SNX29: variants seen among roughly 807,000 people sequenced by gnomAD.
The protein encoded by SNX29 is sorting nexin 29.
A neutral mutation model predicts 102.1 loss-of-function variants in SNX29; 78 were observed. That is an observed-to-expected ratio of 0.76 (90% CI 0.64 to 0.92). The LOEUF is 0.92. Among genes scored for constraint, SNX29 ranks in the 40% least tolerant of loss-of-function variants. The pLI is 0.00. For synonymous variants in SNX29, 580 were observed against 414.5 expected, an observed-to-expected ratio of 1.40 and a Z score of -4.85; for missense variants, 1,280 against 1,061.7, an observed-to-expected ratio of 1.21 and a Z score of -2.86.
chr16:12,351,570 G>T (rs1321299106), intron 15 of SNX29, among the ~76,000 whole-genome samples: 1 of 152,180 alleles, frequency 6.6e-6, no homozygotes, highest in African/African-American at 2.4e-5. Flanking sequence ...GAAAGGAAAT[G>T]CCAGAGGCGT....
chr16:12,058,691 A>G (rs553905742), intron 8 of SNX29, among the ~76,000 whole-genome samples: 1 of 149,642 alleles, frequency 6.7e-6, no homozygotes, highest in Non-Finnish European at 1.5e-5. Flanking sequence ...ACGGGGTTTC[A>G]CCATGTTGGC....
chr16:12,554,866 G>C (rs1014646549), intron 20 of SNX29, among the ~76,000 whole-genome samples: 2 of 152,174 alleles, frequency 1.3e-5, no homozygotes, highest in Non-Finnish European at 2.9e-5. Flanking sequence ...CAGGAAAGAG[G>C]ACAAAGATAT....
At chr16:12,481,915 C>G (rs2087954417) in intron 19 of SNX29, among the ~76,000 whole-genome samples, 1 of 152,178 alleles carries the variant, frequency 6.6e-6, no homozygotes, top group Non-Finnish European at 1.5e-5. Flanking sequence ...TCCCTGAAAT[C>G]CACCTTGGCT....
intron 20 of SNX29, among the ~76,000 whole-genome samples, chr16:12,566,279 AGGACT>A (rs1286497377): frequency 2.0e-5 from 3 of 152,192 alleles, no homozygotes; most frequent in African/African-American, 7.2e-5. Context: ...TGCCCACAGC[AGGACT>A]GGACAGAGAC....
In SNX29 at chr16:12,532,564, A is replaced by G. The variant is rs538656810; in HGVS notation, c.2318+7723A>G. 2.6e-5 allele frequency among the ~76,000 whole-genome samples: 4 copies of G among 152,364 alleles called. No individual in the cohort carries two copies. The South Asian group carries it at 8.3e-4, about 32-fold the overall frequency. On this transcript the variant is annotated intron_variant, in intron 20 of 20. Transcript: ENST00000566228. ...TGGAGAATTCCTAAGAACTTGCAGG[A>G]ATTCTGACTTCACCATCTGAAATCC... is the stretch of plus-strand genomic sequence containing the variant.
At chr16:12,182,116 A>G (rs919410375) in intron 13 of SNX29, among the ~76,000 whole-genome samples, 1 of 148,008 alleles carries the variant, frequency 6.8e-6, no homozygotes, top group East Asian at 2.0e-4. Context: ...TGAACTCCTG[A>G]CCTCAGGTGA....
At chr16:12,544,025 C>G (rs1482126568) in intron 20 of SNX29, among the ~76,000 whole-genome samples, 2 of 152,204 alleles carry the variant, frequency 1.3e-5, no homozygotes, top group Non-Finnish European at 2.9e-5. Context: ...ACTCTAGACC[C>G]CGTTGACTCA....
rs1486304740 is a variant in SNX29, at chr16:12,572,966, T to C, written c.*4337T>C. On this transcript the variant is annotated 3_prime_UTR_variant, in exon 21 of 21. Coordinates refer to ENST00000566228, the MANE Select transcript of SNX29 (RefSeq NM_032167.5). ...CTGCTTATGAGCAAGGTCAAAGATTTTTCAAAATATTGTGCATTAATTCAT... is the reference window on the plus strand; with the variant it reads ...CTGCTTATGAGCAAGGTCAAAGATTCTTCAAAATATTGTGCATTAATTCAT... 1.1e-5 allele frequency: 6 copies of C among 565,318 alleles called. No homozygotes were observed. The highest frequency in any genetic ancestry group is 1.4e-5 in the Non-Finnish European group (6 of 422,970). The allele number at this position is 565,318 out of a possible 1,614,324, so 35.0% of individuals were successfully genotyped here. A position where few individuals can be genotyped will look rare whatever the true frequency, so the allele number is the denominator to read the frequency against.
At chr16:12,443,984 G>C (rs189878209) in intron 18 of SNX29, among the ~76,000 whole-genome samples, 9 of 152,300 alleles carry the variant, frequency 5.9e-5, no homozygotes, top group Non-Finnish European at 1.3e-4. Context: ...ATAGCACCTA[G>C]CATGTAGTAA....
intron 17 of SNX29, among the ~76,000 whole-genome samples, chr16:12,400,909 G>A (rs747122043): frequency 4.6e-5 from 7 of 152,110 alleles, no homozygotes; most frequent in Admixed American, 1.3e-4. Flanking sequence ...TGCAAGCTCC[G>A]CCTCCTGGGT....
In SNX29 at chr16:11,984,196, T is replaced by TAC. The variant is rs1173515957; in HGVS notation, c.7+7395_7+7396dup. 3.3e-5 allele frequency among the ~76,000 whole-genome samples: 5 copies of TAC among 151,742 alleles called. No homozygotes were observed. The South Asian group carries it at 8.3e-4, about 25-fold the overall frequency. On this transcript the variant is annotated intron_variant, in intron 1 of 20. Transcript: ENST00000566228. ...AGTGGGACCCGTCTGCCGGTCTTTG[T>TAC]ACACACACACACAAATTAGCTGGAT...
At position 12,569,459 on chromosome 16, in the gene SNX29, A is replaced by G. The variant is rs1028177055; in HGVS notation, c.*830A>G. 8 of 231,344 alleles carry G rather than the reference A, an allele frequency of 3.5e-5. No individual in the cohort carries two copies. Among genetic ancestry groups the G allele is most frequent in the African/African-American group, 6.6e-5 (3 of 45,324 alleles). 14.3% of individuals were successfully genotyped at this position (231,344 alleles called of 1,614,324 possible). ...AAGTAGCATTGGCCCTACAGTCATG[A>G]GAGACTTGGGTCAGGGAACCACTGC... is the stretch of plus-strand genomic sequence containing the variant. On this transcript the variant is annotated 3_prime_UTR_variant, in exon 21 of 21. Coordinates refer to ENST00000566228, the MANE Select transcript of SNX29 (RefSeq NM_032167.5).
chr16:12,432,694 C>T (rs1266255815), intron 18 of SNX29, among the ~76,000 whole-genome samples: 1 of 152,240 alleles, frequency 6.6e-6, no homozygotes, highest in East Asian at 1.9e-4. Flanking sequence ...AGGTCCATGC[C>T]TTCACTTGAC....
chr16:12,394,589 T>A (rs954603689), intron 16 of SNX29, among the ~76,000 whole-genome samples: 11 of 152,198 alleles, frequency 7.2e-5, no homozygotes, highest in Non-Finnish European at 1.5e-4. Flanking sequence ...CGACCAGGGC[T>A]TGACTGAGCT....
rs181675488 is a variant in SNX29 at position 12,573,265 on chromosome 16, G to T, written c.*4636G>T. 547 of 227,546 alleles carry T rather than the reference G, an allele frequency of 2.4e-3. 6 individuals carry two copies. Among genetic ancestry groups the T allele is most frequent in the Non-Finnish European group, 1.7e-3 (195 of 114,580 alleles). The allele number at this position is 227,546 out of a possible 1,614,324, so 14.1% of individuals were successfully genotyped here. The stretch of plus-strand genomic sequence containing the variant: ...AATGTACCTCGATCAGTCATCTCTG[G>T]TATTCCTCACTCTAGCCATGAGCCA... On this transcript the variant is annotated 3_prime_UTR_variant, in exon 21 of 21. Coordinates refer to ENST00000566228, the MANE Select transcript of SNX29 (RefSeq NM_032167.5).
intron 13 of SNX29, among the ~76,000 whole-genome samples, chr16:12,191,549 C>G (rs186955817): frequency 1.8e-3 from 276 of 152,228 alleles, no homozygotes; most frequent in Non-Finnish European, 3.4e-3. Context: ...GACAATTACT[C>G]GAGGGTGTGA....
chr16:12,390,790 A>G (rs1235857241), intron 16 of SNX29, among the ~76,000 whole-genome samples: 3 of 152,000 alleles, frequency 2.0e-5, no homozygotes, highest in Admixed American at 6.6e-5. Flanking sequence ...CCAGGAGGGA[A>G]GTAAGGCCCA....
At chr16:12,020,520 T>C (rs1157024254) in intron 3 of SNX29, among the ~76,000 whole-genome samples, 2 of 151,900 alleles carry the variant, frequency 1.3e-5, no homozygotes, top group African/African-American at 2.4e-5. Context: ...GATTTTTATC[T>C]GATTTGTAGA....
At chr16:12,380,783 AC>A (rs1162506927) in intron 16 of SNX29, among the ~76,000 whole-genome samples, 3 of 57,580 alleles carry the variant, frequency 5.2e-5, no homozygotes, top group African/African-American at 5.3e-5. Context: ...CCATCCATCC[AC>A]CCATCCACCC....
Sources: gnomAD v4.1 joint callset for allele counts (sites outside exome capture counted in the v4.1 genomes callset) on GRCh38, gnomAD v4.1.1 for gene constraint, MANE v1.5 for transcripts, NCBI Gene and HGNC (gene_info 2026-07-23, HGNC 2026-07-21) for gene names.